The following TRAPPC9 variants were observed in gnomAD, a reference collection of about 807,000 sequenced individuals.
The protein encoded by TRAPPC9 is IKK2 binding protein.
A neutral mutation model predicts 124.0 loss-of-function variants in TRAPPC9; 83 were observed. The ratio of observed to expected loss-of-function variants is 0.67; its 90% confidence interval spans 0.56 to 0.80. The LOEUF (loss-of-function observed/expected upper bound fraction) is 0.80. Among genes scored for constraint, TRAPPC9 ranks in the 30% least tolerant of loss-of-function variants. The pLI is 0.00. For missense variants in TRAPPC9, 1,302 were observed against 1,508.3 expected (o/e 0.86, Z 2.27); for synonymous variants, 638 against 617.5 (o/e 1.03, Z -0.49).
chr8:140,221,005 C>A (rs966569615), intron 17 of TRAPPC9, among the ~76,000 whole-genome samples: 2 of 152,216 alleles, frequency 1.3e-5, no homozygotes, highest in Admixed American at 1.3e-4. Context: ...GGCCTACAAG[C>A]CCGCGGCACG....
chr8:139,900,224 T>C (rs1462314827), intron 20 of TRAPPC9, among the ~76,000 whole-genome samples: 1 of 152,244 alleles, frequency 6.6e-6, no homozygotes, highest in African/African-American at 2.4e-5. Context: ...GGGTCCTCAC[T>C]TCCAGAGACG....
chr8:140,074,731 T>C (rs1843392317), intron 17 of TRAPPC9, among the ~76,000 whole-genome samples: 2 of 152,116 alleles, frequency 1.3e-5, no homozygotes, highest in African/African-American at 4.8e-5. Context: ...AGTCACAATC[T>C]GATTGTGGGC....
intron 21 of TRAPPC9, among the ~76,000 whole-genome samples, chr8:139,813,503 C>T (rs908041117): frequency 5.3e-5 from 8 of 152,166 alleles, no homozygotes; most frequent in Non-Finnish European, 1.0e-4. Context: ...GTCTATGAGC[C>T]GAGAAGGGCC....
At chr8:140,166,652 T>G (rs1421873013) in intron 17 of TRAPPC9, among the ~76,000 whole-genome samples, 2 of 152,222 alleles carry the variant, frequency 1.3e-5, no homozygotes, top group African/African-American at 4.8e-5. Context: ...GCATGAGGAA[T>G]TTCAGATACT....
At chr8:140,194,811 A>T (rs985926174) in intron 17 of TRAPPC9, among the ~76,000 whole-genome samples, 1 of 152,048 alleles carries the variant, frequency 6.6e-6, no homozygotes, top group Non-Finnish European at 1.5e-5. Context: ...AACACACTCA[A>T]CAACCTATCG....
At chr8:140,449,542 A>G (rs2071384553) in intron 2 of TRAPPC9, among the ~76,000 whole-genome samples, 1 of 152,248 alleles carries the variant, frequency 6.6e-6, no homozygotes, top group South Asian at 2.1e-4. Context: ...TGACTTAATA[A>G]CAGGCAAGAT....
At position 139,795,455 on chromosome 8, in the gene TRAPPC9, G is replaced by C. The variant is rs148345339; in HGVS notation, c.3056-63253C>G. ...CCCAGGGACCCTTCCACCACTTGCA[G>C]CCTGTGTTTGTGTGATTCAAACACA... On this transcript the variant is annotated intron_variant, in intron 21 of 22. Transcript: ENST00000438773. 7.8e-3 allele frequency among the ~76,000 whole-genome samples: 1,185 copies of C among 151,092 alleles called. 12 individuals carry two copies. The highest frequency in any genetic ancestry group is 0.027 in the African/African-American group (1,113 of 41,088).
chr8:140,134,253 C>T (rs2061257865), intron 17 of TRAPPC9, among the ~76,000 whole-genome samples: 2 of 150,894 alleles, frequency 1.3e-5, no homozygotes, highest in Admixed American at 6.7e-5. Context: ...CTTCTATAGC[C>T]AATTGATTGT....
chr8:139,929,223 G>C (rs1007010518), intron 19 of TRAPPC9, among the ~76,000 whole-genome samples: 1 of 152,206 alleles, frequency 6.6e-6, no homozygotes, highest in Non-Finnish European at 1.5e-5. Context: ...AAGTCACACA[G>C]GTAGGAACCA....
intron 17 of TRAPPC9, among the ~76,000 whole-genome samples, chr8:140,139,722 T>C (rs148073047): frequency 6.6e-6 from 1 of 151,904 alleles, no homozygotes; most frequent in African/African-American, 2.4e-5. Flanking sequence ...TAACCTATGG[T>C]ATTAGGTTTG....
chr8:140,322,247 C>T (rs1220528604), intron 9 of TRAPPC9, among the ~76,000 whole-genome samples: 7 of 152,126 alleles, frequency 4.6e-5, no homozygotes, highest in Admixed American at 4.6e-4. Context: ...TTTCTGTGCC[C>T]AGACCCCAAG....
chr8:140,073,724 C>T (rs115688118), intron 17 of TRAPPC9, among the ~76,000 whole-genome samples: 39 of 152,306 alleles, frequency 2.6e-4, no homozygotes, highest in African/African-American at 9.4e-4. Flanking sequence ...TCATTCTCAA[C>T]ACCGTCACTC....
At chr8:139,875,717 G>A (rs1214289611) in intron 21 of TRAPPC9, among the ~76,000 whole-genome samples, 1 of 152,168 alleles carries the variant, frequency 6.6e-6, no homozygotes. Flanking sequence ...TCACCATCGT[G>A]GTCTCCAGGA....
At chr8:140,091,481 G>C (rs1019472318) in intron 17 of TRAPPC9, among the ~76,000 whole-genome samples, 1 of 152,184 alleles carries the variant, frequency 6.6e-6, no homozygotes, top group Non-Finnish European at 1.5e-5. Context: ...TTCCAGCTGA[G>C]CTTGCTTCAA....
chr8:139,961,393 G>C (rs1835364283), intron 19 of TRAPPC9, among the ~76,000 whole-genome samples: 1 of 123,920 alleles, frequency 8.1e-6, no homozygotes, highest in Admixed American at 8.4e-5. Flanking sequence ...GGAGCACCTG[G>C]GGTGCCACAG....
intron 17 of TRAPPC9, among the ~76,000 whole-genome samples, chr8:140,037,879 AACACACACACACACACACACACAC>A (rs10560088): frequency 1.1e-5 from 1 of 90,564 alleles, no homozygotes. Flanking sequence ...ACACACCTCC[AACACACACACACACACACACACAC>A]ACACACACCC....
At chr8:140,002,829 C>T (rs1838486482) in intron 18 of TRAPPC9, among the ~76,000 whole-genome samples, 1 of 102,212 alleles carries the variant, frequency 9.8e-6, no homozygotes, top group Non-Finnish European at 1.8e-5. Context: ...GTTGGGACAA[C>T]TGGATTCCAC....
intron 5 of TRAPPC9, among the ~76,000 whole-genome samples, chr8:140,418,782 A>G (rs1228239324): frequency 6.6e-6 from 1 of 152,174 alleles, no homozygotes; most frequent in Non-Finnish European, 1.5e-5. Context: ...AGACAGACAG[A>G]CAGACAGATG....
At chr8:140,416,787 C>A (rs2069946690) in intron 5 of TRAPPC9, among the ~76,000 whole-genome samples, 1 of 152,120 alleles carries the variant, frequency 6.6e-6, no homozygotes, top group Admixed American at 6.6e-5. Flanking sequence ...AAGAACAAAG[C>A]TGGAGGCATC....
Sources: gnomAD v4.1 joint callset for allele counts (sites outside exome capture counted in the v4.1 genomes callset) on GRCh38, gnomAD v4.1.1 for gene constraint, MANE v1.5 for transcripts, NCBI Gene and HGNC (gene_info 2026-07-23, HGNC 2026-07-21) for gene names.